TRHDE: variants seen among roughly 807,000 people sequenced by gnomAD.
The protein encoded by TRHDE is thyrotropin releasing hormone degrading enzyme.
TRHDE carries 72 observed loss-of-function variants against 125.7 expected under a neutral mutation model. The ratio of observed to expected loss-of-function variants is 0.57; its 90% CI spans 0.47 to 0.70. TRHDE has a LOEUF of 0.70. TRHDE is among the 30% of genes least tolerant of loss of function. The pLI is 0.00. For missense variants in TRHDE, 1,110 were observed against 1,327.1 expected, an observed-to-expected ratio of 0.84 and a Z score of 2.54; for synonymous variants, 509 against 509.1, an observed-to-expected ratio of 1.00 and a Z score of 0.00.
At chr12:72,482,664 G>T (rs1186814340) in intron 5 of TRHDE, among the ~76,000 whole-genome samples, 2 of 151,820 alleles carry the variant, frequency 1.3e-5, no homozygotes, top group Non-Finnish European at 2.9e-5. Flanking sequence ...AGTGGCAGTG[G>T]TGGTAGTATG....
At chr12:72,337,412 C>T (rs12818432) in intron 2 of TRHDE, among the ~76,000 whole-genome samples, 52,680 of 152,016 alleles carry the variant, frequency 0.35, 9,848 homozygotes, top group Non-Finnish European at 0.43. Flanking sequence ...TCAATACACA[C>T]GTGCTGTGAT....
At chr12:72,318,716 A>AT (rs34492933) in intron 2 of TRHDE, among the ~76,000 whole-genome samples, 31,279 of 151,214 alleles carry the variant, frequency 0.21, 4,374 homozygotes, top group East Asian at 0.47. Context: ...GTCAAAAGTT[A>AT]TTTTTTTTTG....
At chr12:72,306,124 C>T (rs983609424) in intron 2 of TRHDE, among the ~76,000 whole-genome samples, 1 of 151,984 alleles carries the variant, frequency 6.6e-6, no homozygotes, top group Admixed American at 6.6e-5. Flanking sequence ...GATATCAAAT[C>T]GAAACTCAGT....
chr12:72,561,092 T>C (rs1324464031), intron 7 of TRHDE, among the ~76,000 whole-genome samples: 1 of 152,210 alleles, frequency 6.6e-6, no homozygotes, highest in East Asian at 1.9e-4. Flanking sequence ...TTGTGGTTGC[T>C]AAGTTAGTGT....
At chr12:72,473,289 A>T (rs142980673) in intron 5 of TRHDE, 109 bp downstream of exon 5, 22 of 753,002 alleles carry the variant, frequency 2.9e-5, no homozygotes, top group African/African-American at 2.3e-4. Flanking sequence ...ATGCATGAAA[A>T]TGTATCAATA....
chr12:72,425,874 A>G (rs556268069), intron 3 of TRHDE, among the ~76,000 whole-genome samples: 36 of 152,062 alleles, frequency 2.4e-4, no homozygotes, highest in South Asian at 1.7e-3. Context: ...AACAAGAATA[A>G]ATTTTCACTA....
chr12:72,229,512 A>C (rs1411376240), intron 2 of TRHDE, among the ~76,000 whole-genome samples: 1 of 152,166 alleles, frequency 6.6e-6, no homozygotes, highest in East Asian at 1.9e-4. Context: ...ATCAATATGC[A>C]TCCAGAGAGT....
Position 72,429,278 on chromosome 12 carries a change from A to G in TRHDE, c.1316-40480A>G, listed in dbSNP as rs542038596. ...TTGATGGGTGCAGCAAACCACCATGACATGTGTATACCTATGTAACAAAAC... is the reference window on the plus strand; with the variant it reads ...TTGATGGGTGCAGCAAACCACCATGGCATGTGTATACCTATGTAACAAAAC... On this transcript the variant is annotated intron_variant, in intron 3 of 18. Transcript: ENST00000261180. 3.3e-5 allele frequency among the ~76,000 whole-genome samples: 5 copies of G among 151,634 alleles called. No individual in the cohort carries two copies. The East Asian group carries it at 9.7e-4, about 30-fold the overall frequency.
intron 1 of TRHDE, among the ~76,000 whole-genome samples, chr12:72,096,341 G>A (rs1043635060): frequency 1.3e-5 from 2 of 152,106 alleles, no homozygotes; most frequent in African/African-American, 4.8e-5. Flanking sequence ...ACACAAAGAG[G>A]CTTCTCTTTT....
intron 12 of TRHDE, among the ~76,000 whole-genome samples, chr12:72,584,232 A>G (rs1565799620): frequency 6.6e-6 from 1 of 152,164 alleles, no homozygotes; most frequent in South Asian, 2.1e-4. Context: ...AAGTAAAAGC[A>G]AAGTATTTTG....
intron 2 of TRHDE, among the ~76,000 whole-genome samples, chr12:72,365,067 A>G (rs952564482): frequency 2.0e-5 from 3 of 152,090 alleles, no homozygotes; most frequent in African/African-American, 7.2e-5. Context: ...TCTGATTCCC[A>G]AATGTTGGAT....
At chr12:72,200,328 C>G (rs2139354427) in intron 2 of TRHDE, among the ~76,000 whole-genome samples, 1 of 152,174 alleles carries the variant, frequency 6.6e-6, no homozygotes, top group African/African-American at 2.4e-5. Flanking sequence ...GGAGGAAAGT[C>G]TGTAAATATA....
chr12:72,415,518 T>G (rs1030724733), intron 3 of TRHDE, among the ~76,000 whole-genome samples: 1 of 151,876 alleles, frequency 6.6e-6, no homozygotes, highest in African/African-American at 2.4e-5. Flanking sequence ...CATCTCCTCT[T>G]CCTCCTTTCT....
intron 7 of TRHDE, among the ~76,000 whole-genome samples, chr12:72,550,536 C>T (rs1190211530): frequency 6.6e-6 from 1 of 151,846 alleles, no homozygotes; most frequent in Non-Finnish European, 1.5e-5. Flanking sequence ...AAATATTTCT[C>T]CTCATTTACT....
chr12:72,396,473 C>T (rs965553101), intron 3 of TRHDE, among the ~76,000 whole-genome samples: 2 of 152,108 alleles, frequency 1.3e-5, no homozygotes, highest in African/African-American at 2.4e-5. Context: ...CGGCCAGGTG[C>T]GATGGCTCAC....
At chr12:72,198,403 A>T (rs1877486820) in intron 2 of TRHDE, among the ~76,000 whole-genome samples, 1 of 152,182 alleles carries the variant, frequency 6.6e-6, no homozygotes, top group East Asian at 1.9e-4. Context: ...GAGGACAGGG[A>T]TTATACTATA....
At chr12:72,577,589 G>C (rs1217645484) in intron 12 of TRHDE, among the ~76,000 whole-genome samples, 1 of 152,186 alleles carries the variant, frequency 6.6e-6, no homozygotes, top group Non-Finnish European at 1.5e-5. Context: ...AAATGATGGT[G>C]AGAAAGCAAG....
rs73338626 is a variant in TRHDE, at chr12:72,316,047, G to C, written c.1188+29093G>C. On this transcript the variant is annotated intron_variant, in intron 2 of 18. Transcript: ENST00000261180. ...GCAAATTTTCATAGATTCAGAGGAT[G>C]TTCTGCCAGCCGCCAGCATAATAGC... is the stretch of plus-strand genomic sequence containing the variant. Among the ~76,000 whole-genome samples the C allele has an allele frequency of 3.8e-3, 586 of 152,248 alleles. 8 individuals are homozygous for C. Among genetic ancestry groups the C allele is most frequent in the African/African-American group, 0.013 (534 of 41,536 alleles).
At chr12:72,587,170 T>C (rs1306134050) in intron 12 of TRHDE, among the ~76,000 whole-genome samples, 2 of 152,212 alleles carry the variant, frequency 1.3e-5, no homozygotes, top group African/African-American at 4.8e-5. Context: ...ATAGTTACTG[T>C]GCAGAGCAAT....
Sources: gnomAD v4.1 joint callset for allele counts (sites outside exome capture counted in the v4.1 genomes callset) on GRCh38, gnomAD v4.1.1 for gene constraint, MANE v1.5 for transcripts, NCBI Gene and HGNC (gene_info 2026-07-23, HGNC 2026-07-21) for gene names.